Variants in SEMA3A observed in about 807,000 individuals in gnomAD.
The protein encoded by SEMA3A is semaphorin-3A.
A neutral mutation model predicts 97.9 loss-of-function variants in SEMA3A; 29 were observed. That is an observed-to-expected ratio of 0.30 (90% CI 0.22 to 0.40). SEMA3A has a LOEUF of 0.40. Ranked by LOEUF, SEMA3A falls within the 10% of genes least tolerant of loss-of-function variation. The pLI is 1.00. For missense variants in SEMA3A, 763 were observed against 951.3 expected, an observed-to-expected ratio of 0.80 and a Z score of 2.60; for synonymous variants, 321 against 323.7, an observed-to-expected ratio of 0.99 and a Z score of 0.09.
chr7:84,310,411 A>T (rs2115860789), intron 2 of SEMA3A, among the ~76,000 whole-genome samples: 1 of 152,210 alleles, frequency 6.6e-6, no homozygotes, highest in Non-Finnish European at 1.5e-5. Flanking sequence ...GTTTAAAAAA[A>T]TCTGTCAAAA....
chr7:83,960,926 T>A lies in SEMA3A; in HGVS notation c.*445A>T, dbSNP rs2116243136. On this transcript the variant is annotated 3_prime_UTR_variant, in exon 17 of 17. Transcript: ENST00000265362. ...CAAACATGAGGGCCGGTAGACAAAATATATCCTTGAATCCAACCACGTTTT... is the reference window on the plus strand; with the variant it reads ...CAAACATGAGGGCCGGTAGACAAAAAATATCCTTGAATCCAACCACGTTTT... 5.7e-6 allele frequency: 1 copy of A among 174,130 alleles called. No homozygotes were observed. Among genetic ancestry groups the A allele is most frequent in the East Asian group, 1.7e-4 (1 of 5,872 alleles). The allele number at this position is 174,130 out of a possible 1,614,324, so 10.8% of individuals were successfully genotyped here. A position where few individuals can be genotyped will look rare whatever the true frequency, so the allele number is the denominator to read the frequency against.
intron 6 of SEMA3A, among the ~76,000 whole-genome samples, chr7:84,045,928 T>C (rs73187455): frequency 0.048 from 7,285 of 151,478 alleles, 282 homozygotes; most frequent in East Asian, 0.19. Flanking sequence ...CATTCACTAG[T>C]ATATAAGATG....
At chr7:84,005,888 G>C (rs558840078) in intron 10 of SEMA3A, among the ~76,000 whole-genome samples, 3 of 152,146 alleles carry the variant, frequency 2.0e-5, no homozygotes, top group Non-Finnish European at 4.4e-5. Flanking sequence ...GGTGGAGGTT[G>C]CAGTGAACTG....
At chr7:84,147,519 A>G (rs901322292) in intron 1 of SEMA3A, among the ~76,000 whole-genome samples, 1 of 152,184 alleles carries the variant, frequency 6.6e-6, no homozygotes, top group East Asian at 1.9e-4. Flanking sequence ...GTGAGAAGAA[A>G]GAGAGCTCAG....
chr7:84,190,910 T>A (rs1246587029), intron 1 of SEMA3A, among the ~76,000 whole-genome samples: 1 of 150,328 alleles, frequency 6.7e-6, no homozygotes. Context: ...TCCTATGTAT[T>A]GAAATATATG....
intron 2 of SEMA3A, among the ~76,000 whole-genome samples, chr7:84,314,529 T>A (rs1219077890): frequency 2.6e-5 from 4 of 152,158 alleles, no homozygotes. Context: ...GGTTGGTTCT[T>A]CATTTTAGAA....
At chr7:84,343,740 C>T (rs943119617) in intron 2 of SEMA3A, among the ~76,000 whole-genome samples, 21 of 152,184 alleles carry the variant, frequency 1.4e-4, no homozygotes, top group Non-Finnish European at 2.6e-4. Context: ...GGGCTTACTC[C>T]TGTAATCTCA....
chr7:84,128,301 G>T (rs969290268), intron 3 of SEMA3A, among the ~76,000 whole-genome samples: 1 of 151,704 alleles, frequency 6.6e-6, no homozygotes. Context: ...AAAAGATGGA[G>T]AAGGAAAAAG....
chr7:84,405,739 A>T (rs1049647318), intron 1 of SEMA3A, among the ~76,000 whole-genome samples: 28 of 152,238 alleles, frequency 1.8e-4, no homozygotes, highest in Middle Eastern at 6.8e-3. Flanking sequence ...GGATTAAGAA[A>T]CTCACTCAAA....
At chr7:84,014,617 A>G (rs1476265165) in intron 6 of SEMA3A, among the ~76,000 whole-genome samples, 1 of 152,198 alleles carries the variant, frequency 6.6e-6, no homozygotes, top group African/African-American at 2.4e-5. Context: ...GTGATCATAC[A>G]TTGCAGATGC....
At chr7:84,150,498 G>C (rs772738204) in intron 1 of SEMA3A, among the ~76,000 whole-genome samples, 10 of 152,162 alleles carry the variant, frequency 6.6e-5, no homozygotes, top group Non-Finnish European at 1.5e-4. Context: ...CTGGAGAATC[G>C]GGTCACTCCC....
rs865883020 is a variant in SEMA3A, at chr7:84,210,647, G to A, written c.-82-15979C>T. 1.4e-4 allele frequency among the ~76,000 whole-genome samples: 22 copies of A among 152,290 alleles called. No individual in the cohort carries two copies. In the South Asian group the frequency reaches 1.9e-3, roughly 13 times the overall value. On this transcript the variant is annotated intron_variant, in intron 3 of 3. Coordinates refer to the SEMA3A transcript ENST00000424555. ...GGGCAGATTTTCTTTTTAGAAAACG[G>A]AATATGGTTGCAGTGTGGAGTGATG... is the stretch of plus-strand genomic sequence containing the variant.
upstream of SEMA3A, chr7:84,195,024 AAGAG>A (rs60880561): frequency 0.16 from 21,873 of 140,520 alleles, 1,818 homozygotes; most frequent in South Asian, 0.22. Flanking sequence ...GAGAGAGAGA[AAGAG>A]AGAGAGAGAG....
rs1788348255 is a variant in SEMA3A at position 83,958,484 on chromosome 7, C to T, written c.*2887G>A. The T allele has an allele frequency of 6.6e-6, 1 of 152,444 alleles. No individual in the cohort carries two copies. Among genetic ancestry groups the T allele is most frequent in the South Asian group, 2.1e-4 (1 of 4,830 alleles). The allele number at this position is 152,444 out of a possible 1,614,324, so 9.4% of individuals were successfully genotyped here. On this transcript the variant is annotated 3_prime_UTR_variant, in exon 17 of 17. Transcript: ENST00000265362. ...ATAAGTAAAGATATGGAACATATTTCCTACCTGGCAAAAAACATGCTTATT... is the reference window on the plus strand; with the variant it reads ...ATAAGTAAAGATATGGAACATATTTTCTACCTGGCAAAAAACATGCTTATT...
intron 1 of SEMA3A, among the ~76,000 whole-genome samples, chr7:84,187,177 T>A (rs1797911661): frequency 6.6e-6 from 1 of 152,192 alleles, no homozygotes; most frequent in Non-Finnish European, 1.5e-5. Flanking sequence ...CCTAAAAGTA[T>A]GGACAATGAA....
intron 13 of SEMA3A, among the ~76,000 whole-genome samples, chr7:83,983,219 CTT>C (rs74379937): frequency 6.6e-6 from 1 of 151,278 alleles, no homozygotes; most frequent in Non-Finnish European, 1.5e-5. Context: ...CTTTCCTTTT[CTT>C]TTTCTTTCTT....
intron 1 of SEMA3A, among the ~76,000 whole-genome samples, chr7:84,396,700 T>C (rs1270872278): frequency 3.9e-5 from 6 of 152,046 alleles, no homozygotes; most frequent in Non-Finnish European, 7.4e-5. Context: ...ATAGCTGTAG[T>C]TGGAAAACAA....
At chr7:84,293,004 G>T (rs1800787783) in intron 3 of SEMA3A, among the ~76,000 whole-genome samples, 1 of 152,004 alleles carries the variant, frequency 6.6e-6, no homozygotes, top group Non-Finnish European at 1.5e-5. Context: ...TATAGAAGTA[G>T]AAATTTAAAA....
At chr7:84,439,588 T>C (rs556914161) in intron 1 of SEMA3A, among the ~76,000 whole-genome samples, 5 of 152,298 alleles carry the variant, frequency 3.3e-5, no homozygotes, top group South Asian at 2.1e-4. Context: ...TAGATGTTTC[T>C]GATGAGACTT....
Sources: gnomAD v4.1 joint callset for allele counts (sites outside exome capture counted in the v4.1 genomes callset) on GRCh38, gnomAD v4.1.1 for gene constraint, MANE v1.5 for transcripts, NCBI Gene and HGNC (gene_info 2026-07-23, HGNC 2026-07-21) for gene names.